Variants in MALRD1 observed in about 807,000 individuals in gnomAD.
The protein encoded by MALRD1 is MAM and LDL receptor class A domain containing 1, also known as MAM and LDL-receptor class A domain-containing protein 1.
Under a neutral mutation model 242.1 loss-of-function variants are expected in MALRD1, and 247 were observed. That is an observed-to-expected ratio of 1.02 (90% CI 0.92 to 1.13). The LOEUF (loss-of-function observed/expected upper bound fraction) is 1.13. Among genes scored for constraint, MALRD1 ranks in the 50% most tolerant of loss-of-function variants. The pLI, the probability that MALRD1 is intolerant of heterozygous loss-of-function variation, is 0.00. For missense variants in MALRD1, 2,989 were observed against 2,533.1 expected, an observed-to-expected ratio of 1.18 and a Z score of -3.86; for synonymous variants, 995 against 866.6, an observed-to-expected ratio of 1.15 and a Z score of -2.60.
At chr10:19,405,833 G>T (rs984994695) in intron 28 of MALRD1, among the ~76,000 whole-genome samples, 1 of 147,730 alleles carries the variant, frequency 6.8e-6, no homozygotes, top group African/African-American at 2.5e-5. Flanking sequence ...ACTAAACATA[G>T]GGATTACTTT....
chr10:19,641,224 T>C (rs1002115389), intron 36 of MALRD1, among the ~76,000 whole-genome samples: 38 of 152,126 alleles, frequency 2.5e-4, no homozygotes, highest in African/African-American at 8.9e-4. Flanking sequence ...AGAGTTAGCA[T>C]TGAAAACCTC....
intron 21 of MALRD1, chr10:19,290,332 G>A (rs182961596): frequency 6.6e-6 from 1 of 152,260 alleles, no homozygotes; most frequent in East Asian, 1.9e-4. Context: ...ATCTCTTCTT[G>A]TAGATGGAGG....
chr10:19,082,844 C>A (rs1835537801), intron 2 of MALRD1, among the ~76,000 whole-genome samples: 1 of 151,900 alleles, frequency 6.6e-6, no homozygotes, highest in African/African-American at 2.4e-5. Context: ...TCAATTTTGG[C>A]TGCTAGAACA....
intron 28 of MALRD1, 114 bp downstream of exon 28, chr10:19,389,723 T>TGAGTGACAGAGCAAGA: frequency 8.7e-7 from 1 of 1,155,052 alleles, no homozygotes; most frequent in Non-Finnish European, 1.2e-6. Context: ...TACTGCAGCC[T>TGAGTGACAGAGCAAGA]CCAACTCCTG....
At chr10:19,356,663 T>G (rs1844650039) in intron 26 of MALRD1, among the ~76,000 whole-genome samples, 2 of 152,102 alleles carry the variant, frequency 1.3e-5, no homozygotes, top group Admixed American at 1.3e-4. Context: ...TAGGTACTCA[T>G]GGCTATTGGT....
At chr10:19,482,281 C>A (rs997938837) in intron 29 of MALRD1, among the ~76,000 whole-genome samples, 3 of 151,874 alleles carry the variant, frequency 2.0e-5, no homozygotes. Flanking sequence ...ACTTTTGAAA[C>A]ATGCCTACCA....
chr10:19,333,778 T>A (rs1282827987), intron 24 of MALRD1, among the ~76,000 whole-genome samples: 1 of 152,142 alleles, frequency 6.6e-6, no homozygotes, highest in Non-Finnish European at 1.5e-5. Context: ...TGTGTAAGCT[T>A]TGCCTTTTCT....
chr10:19,396,024 T>C (rs2130836607), intron 28 of MALRD1, among the ~76,000 whole-genome samples: 1 of 152,276 alleles, frequency 6.6e-6, no homozygotes, highest in Admixed American at 6.5e-5. Flanking sequence ...AATGACATTA[T>C]CACTATTATT....
At chr10:19,345,613 A>G (rs991210530) in intron 24 of MALRD1, among the ~76,000 whole-genome samples, 3 of 152,150 alleles carry the variant, frequency 2.0e-5, no homozygotes, top group African/African-American at 4.8e-5. Context: ...TGAATTAGCA[A>G]TTCGATTTTT....
Position 19,504,489 on chromosome 10 carries a change from A to G in MALRD1, c.5320+5843A>G, listed in dbSNP as rs145629612. Among the ~76,000 whole-genome samples, 227 of 152,210 alleles carry G rather than the reference A, an allele frequency of 1.5e-3. 1 individual carries two copies. The highest frequency in any genetic ancestry group is 5.2e-3 in the African/African-American group (215 of 41,532). On this transcript the variant is annotated intron_variant, in intron 31 of 39. Coordinates refer to ENST00000454679, the MANE Select transcript of MALRD1 (RefSeq NM_001142308.3). Reference sequence around the variant, plus strand: ...GTTGGACAGGGATATGGGGTTAGATATAGAAAAGCCAGCACTCCCTCACAT... The same window carrying G: ...GTTGGACAGGGATATGGGGTTAGATGTAGAAAAGCCAGCACTCCCTCACAT...
At chr10:19,606,806 G>A (rs974202709) in intron 34 of MALRD1, among the ~76,000 whole-genome samples, 1 of 151,976 alleles carries the variant, frequency 6.6e-6, no homozygotes, top group South Asian at 2.1e-4. Context: ...TTTCACACTG[G>A]GTGGCAGCCT....
chr10:19,086,394 C>G (rs536033434), intron 2 of MALRD1, among the ~76,000 whole-genome samples: 1 of 152,122 alleles, frequency 6.6e-6, no homozygotes, highest in South Asian at 2.1e-4. Context: ...AAGAGAAGCA[C>G]ATGAAATAGA....
intron 1 of MALRD1, among the ~76,000 whole-genome samples, chr10:19,062,806 C>T (rs895959911): frequency 6.6e-6 from 1 of 152,020 alleles, no homozygotes; most frequent in African/African-American, 2.4e-5. Flanking sequence ...TGGGGATAGA[C>T]GATGGTGATG....
At chr10:19,558,356 G>A (rs1285464211) in intron 32 of MALRD1, among the ~76,000 whole-genome samples, 1 of 152,188 alleles carries the variant, frequency 6.6e-6, no homozygotes, top group South Asian at 2.1e-4. Flanking sequence ...CACTATTAAG[G>A]ATGATATTAG....
At chr10:19,685,349 T>A (rs886354095) in intron 36 of MALRD1, among the ~76,000 whole-genome samples, 1 of 152,238 alleles carries the variant, frequency 6.6e-6, no homozygotes, top group African/African-American at 2.4e-5. Flanking sequence ...TCCATCTTTA[T>A]ATCCTCAACA....
intron 10 of MALRD1, among the ~76,000 whole-genome samples, chr10:19,140,874 T>G (rs547847902): frequency 2.0e-5 from 3 of 152,246 alleles, no homozygotes; most frequent in African/African-American, 2.4e-5. Flanking sequence ...GTGTACAGCC[T>G]GGTGACTATA....
chr10:19,568,519 A>G (rs1186284806), intron 33 of MALRD1, among the ~76,000 whole-genome samples: 1 of 152,042 alleles, frequency 6.6e-6, no homozygotes, highest in Non-Finnish European at 1.5e-5. Context: ...AACTTCTTTG[A>G]GTCTAATAAC....
At chr10:19,505,743 C>A (rs1258622010) in intron 31 of MALRD1, among the ~76,000 whole-genome samples, 1 of 152,172 alleles carries the variant, frequency 6.6e-6, no homozygotes, top group Non-Finnish European at 1.5e-5. Flanking sequence ...TGCTTCCAAA[C>A]ACAACTGCTC....
At chr10:19,189,984 A>T (rs1193727700) in intron 14 of MALRD1, among the ~76,000 whole-genome samples, 1 of 152,118 alleles carries the variant, frequency 6.6e-6, no homozygotes, top group Non-Finnish European at 1.5e-5. Flanking sequence ...AAACATAACA[A>T]AAAAGAAAAT....
Sources: allele counts gnomAD v4.1 joint callset (sites outside exome capture counted in the v4.1 genomes callset), GRCh38; gene constraint gnomAD v4.1.1; transcripts MANE v1.5; gene names NCBI Gene and HGNC (gene_info 2026-07-23, HGNC 2026-07-21).